Variants in GNAQ observed in about 807,000 individuals in gnomAD.
The protein encoded by GNAQ is guanine nucleotide-binding protein G(q) subunit alpha.
GNAQ carries 8 observed loss-of-function variants against 43.9 expected under a neutral mutation model. That is an observed-to-expected ratio of 0.18 (90% confidence interval 0.11 to 0.33). GNAQ has a LOEUF of 0.33. Ranked by LOEUF, GNAQ falls within the 10% of genes least tolerant of loss-of-function variation. The pLI is 1.00. For missense variants in GNAQ, 158 were observed against 450.8 expected (o/e 0.35, Z 5.88); for synonymous variants, 155 against 170.7 (o/e 0.91, Z 0.71).
chr9:77,978,092 G>C (rs1170423913), intron 1 of GNAQ, among the ~76,000 whole-genome samples: 10 of 151,998 alleles, frequency 6.6e-5, no homozygotes, highest in Non-Finnish European at 1.2e-4. Flanking sequence ...ACAGAAGCAT[G>C]GTAAAAAGTG....
chr9:77,742,604 A>C (rs1356722372), intron 5 of GNAQ, among the ~76,000 whole-genome samples: 2 of 152,140 alleles, frequency 1.3e-5, no homozygotes, highest in Admixed American at 1.3e-4. Context: ...CCAATGTTCC[A>C]CTAGGTAAGA....
At chr9:77,794,190 C>T (rs1055540030) in intron 5 of GNAQ, among the ~76,000 whole-genome samples, 1 of 152,082 alleles carries the variant, frequency 6.6e-6, no homozygotes, top group East Asian at 1.9e-4. Flanking sequence ...GATGATTAGC[C>T]TAGGATTTCC....
intron 5 of GNAQ, among the ~76,000 whole-genome samples, chr9:77,755,798 A>G (rs986021201): frequency 1.3e-5 from 2 of 152,160 alleles, no homozygotes; most frequent in Non-Finnish European, 1.5e-5. Context: ...ATTATGTATG[A>G]TTTCAGGAGA....
intron 1 of GNAQ, among the ~76,000 whole-genome samples, chr9:78,011,740 A>G (rs2118582068): frequency 6.6e-6 from 1 of 152,358 alleles, no homozygotes; most frequent in Middle Eastern, 3.4e-3. Flanking sequence ...TCAGCATTGC[A>G]GACAAGAGAT....
chr9:77,954,893 C>T (rs910971176), intron 1 of GNAQ, among the ~76,000 whole-genome samples: 2 of 152,170 alleles, frequency 1.3e-5, no homozygotes, highest in African/African-American at 2.4e-5. Context: ...CAATAGTAGT[C>T]ACCAGAGAAA....
At chr9:77,948,625 C>A (rs569315905) in intron 1 of GNAQ, among the ~76,000 whole-genome samples, 17 of 152,298 alleles carry the variant, frequency 1.1e-4, no homozygotes, top group African/African-American at 2.9e-4. Context: ...GAAAGAACGA[C>A]CGCTACTGTT....
At chr9:77,975,541 T>A (rs1439817533) in intron 1 of GNAQ, among the ~76,000 whole-genome samples, 1 of 147,528 alleles carries the variant, frequency 6.8e-6, no homozygotes, top group African/African-American at 2.5e-5. Flanking sequence ...CCCCCCTTTT[T>A]TTTTTTTTTT....
chr9:77,829,476 C>T (rs890346231), intron 2 of GNAQ, among the ~76,000 whole-genome samples: 5 of 152,188 alleles, frequency 3.3e-5, no homozygotes, highest in African/African-American at 1.2e-4. Flanking sequence ...GCCAAGGACA[C>T]ATCTGACTAC....
At chr9:77,753,639 A>G (rs962532051) in intron 5 of GNAQ, among the ~76,000 whole-genome samples, 1 of 152,210 alleles carries the variant, frequency 6.6e-6, no homozygotes. Context: ...AGAAAGAGGA[A>G]GTATAGCATG....
At position 77,762,587 on chromosome 9, in the gene GNAQ, C is replaced by CCGGG. The variant is rs1469476455; in HGVS notation, c.735+31875_735+31876insCCCG. Reference sequence around the variant, plus strand: ...CCCCTCTGCCCGGCCACCACCCCATCTGGGAGGTGTGACCAACAGCCCATT... The same window carrying CCGGG: ...CCCCTCTGCCCGGCCACCACCCCATCCGGGTGGGAGGTGTGACCAACAGCCCATT... On this transcript the variant is annotated intron_variant, in intron 5 of 6. Transcript: ENST00000286548. 2.5e-4 allele frequency among the ~76,000 whole-genome samples: 38 copies of CCGGG among 150,016 alleles called. No homozygotes were observed. In the East Asian group the frequency reaches 7.7e-3, roughly 30 times the overall value.
intron 2 of GNAQ, among the ~76,000 whole-genome samples, chr9:77,912,933 C>T (rs1828832476): frequency 6.6e-6 from 1 of 152,106 alleles, no homozygotes. Context: ...CCCAGGAGTT[C>T]TTGACCAGCC....
intron 2 of GNAQ, among the ~76,000 whole-genome samples, chr9:77,840,304 C>T (rs1194539331): frequency 6.6e-6 from 1 of 151,412 alleles, no homozygotes; most frequent in African/African-American, 2.4e-5. Flanking sequence ...TCTCTGTCCT[C>T]ATTCTCAAAT....
chr9:77,952,055 A>T (rs555475900), intron 1 of GNAQ, among the ~76,000 whole-genome samples: 1 of 152,342 alleles, frequency 6.6e-6, no homozygotes, highest in South Asian at 2.1e-4. Context: ...GGGCAAAAAG[A>T]CAAAACTCAT....
chr9:77,853,949 T>A (rs1827713274), intron 2 of GNAQ, among the ~76,000 whole-genome samples: 1 of 152,100 alleles, frequency 6.6e-6, no homozygotes, highest in Non-Finnish European at 1.5e-5. Context: ...TGAAATCTGT[T>A]GATATGATGA....
intron 2 of GNAQ, among the ~76,000 whole-genome samples, chr9:77,838,512 C>A (rs1034179245): frequency 6.6e-6 from 1 of 152,080 alleles, no homozygotes; most frequent in African/African-American, 2.4e-5. Flanking sequence ...TGTGCCCAAA[C>A]AATCCAAAAT....
rs2118454907 is a variant in GNAQ, at chr9:77,797,515, A to T, written c.605+5T>A. 2 of 1,610,494 alleles carry T rather than the reference A, an allele frequency of 1.2e-6. No individual in the cohort carries two copies. The highest frequency in any genetic ancestry group is 1.1e-5 in the South Asian group (1 of 90,988). Reference sequence around the variant, plus strand: ...GGAAATAGGTTTCATGGACTCAGTTACTACCTGAAAATGACACTTTGTAAG... The same window carrying T: ...GGAAATAGGTTTCATGGACTCAGTTTCTACCTGAAAATGACACTTTGTAAG... On this transcript the variant is annotated splice_donor_5th_base_variant and intron_variant, in intron 4 of 6. Coordinates refer to ENST00000286548, the MANE Select transcript of GNAQ (RefSeq NM_002072.5).
At position 77,876,685 on chromosome 9, in the gene GNAQ, TC is replaced by T. The variant is rs377591773; in HGVS notation, c.321+45475del. Among the ~76,000 whole-genome samples, 160 of 152,288 alleles carry T rather than the reference TC, an allele frequency of 1.1e-3. 1 individual carries two copies. The highest frequency in any genetic ancestry group is 3.6e-3 in the African/African-American group (148 of 41,552). On this transcript the variant is annotated intron_variant, in intron 2 of 6. Transcript: ENST00000286548. ...CATTAATTCTCATTTGATCCTTATC[TC>T]TTTGAGCCTCCTAATAACCTATATG... is the stretch of plus-strand genomic sequence containing the variant.
chr9:78,012,585 G>A (rs1823787453), intron 1 of GNAQ, among the ~76,000 whole-genome samples: 1 of 151,882 alleles, frequency 6.6e-6, no homozygotes, highest in Non-Finnish European at 1.5e-5. Context: ...CCTATCTGAA[G>A]GTATAATCTA....
intron 1 of GNAQ, among the ~76,000 whole-genome samples, chr9:77,936,605 C>T (rs929262178): frequency 6.6e-6 from 1 of 152,134 alleles, no homozygotes; most frequent in African/African-American, 2.4e-5. Flanking sequence ...ATTAAACCAA[C>T]TAAATGCAAA....
Sources: allele counts gnomAD v4.1 joint callset (sites outside exome capture counted in the v4.1 genomes callset), GRCh38; gene constraint gnomAD v4.1.1; transcripts MANE v1.5; gene names NCBI Gene and HGNC (gene_info 2026-07-23, HGNC 2026-07-21).